The following PDE1C variants were observed in gnomAD, a reference collection of about 807,000 sequenced individuals.
PDE1C encodes dual specificity calcium/calmodulin-dependent 3',5'-cyclic nucleotide phosphodiesterase 1C.
Under a neutral mutation model 93.1 loss-of-function variants are expected in PDE1C, and 62 were observed. The ratio of observed to expected loss-of-function variants is 0.67; its 90% CI spans 0.54 to 0.82. PDE1C has a LOEUF of 0.82. PDE1C is among the 40% of genes least tolerant of loss of function. The pLI is 0.00. For synonymous variants in PDE1C, 325 were observed against 310.1 expected, an observed-to-expected ratio of 1.05 and a Z score of -0.50; for missense variants, 742 against 884.6, an observed-to-expected ratio of 0.84 and a Z score of 2.04.
At chr7:31,868,005 T>G (rs1795505008) in intron 6 of PDE1C, among the ~76,000 whole-genome samples, 1 of 152,176 alleles carries the variant, frequency 6.6e-6, no homozygotes, top group Admixed American at 6.5e-5. Context: ...AAGCCAAAGT[T>G]CTCTACTCAA....
intron 2 of PDE1C, among the ~76,000 whole-genome samples, chr7:32,207,370 A>AAC (rs1554287077): frequency 0.052 from 7,892 of 151,602 alleles, 735 homozygotes; most frequent in African/African-American, 0.18. Context: ...AAAAAAAAAA[A>AAC]AACTTATCAT....
At chr7:31,688,987 G>A in the PDE1C span, among the ~76,000 whole-genome samples, 1 of 152,208 alleles carries the variant, frequency 6.6e-6, no homozygotes, top group African/African-American at 2.4e-5. Flanking sequence ...TGAATTTTTT[G>A]TGGTTTGTCT....
At chr7:31,931,447 GACAA>G (rs1447935628) in intron 2 of PDE1C, among the ~76,000 whole-genome samples, 2 of 152,120 alleles carry the variant, frequency 1.3e-5, no homozygotes, top group African/African-American at 4.8e-5. Flanking sequence ...ACCAATAGCA[GACAA>G]ACAGAGAGCC....
chr7:31,885,897 T>C (rs535604294), intron 2 of PDE1C, among the ~76,000 whole-genome samples: 1 of 152,218 alleles, frequency 6.6e-6, no homozygotes, highest in Non-Finnish European at 1.5e-5. Context: ...TAGACCCTAC[T>C]AGAATTTCAT....
intron 5 of PDE1C, among the ~76,000 whole-genome samples, chr7:31,875,060 T>TAGAC (rs1442429047): frequency 1.3e-5 from 2 of 152,218 alleles, no homozygotes; most frequent in African/African-American, 4.8e-5. Flanking sequence ...GCGCAGGCTA[T>TAGAC]AGACAGCAAG....
intron 2 of PDE1C, among the ~76,000 whole-genome samples, chr7:32,170,473 ATAT>A (rs1013714691): frequency 1.3e-4 from 20 of 152,156 alleles, no homozygotes; most frequent in African/African-American, 4.8e-4. Context: ...CGTGAGATAA[ATAT>A]TAAAGGTGGG....
chr7:32,175,113 A>G (rs1269499502), intron 2 of PDE1C, among the ~76,000 whole-genome samples: 2 of 152,190 alleles, frequency 1.3e-5, no homozygotes, highest in South Asian at 2.1e-4. Flanking sequence ...ATGAGTTTAA[A>G]AGAAAACTGT....
chr7:32,361,412 T>A (rs1784133994), intron 1 of PDE1C, among the ~76,000 whole-genome samples: 1 of 152,206 alleles, frequency 6.6e-6, no homozygotes, highest in Non-Finnish European at 1.5e-5. Context: ...TCTGGTTGGG[T>A]AGCTGTTTTT....
At chr7:32,269,087 C>A (rs1356991921) in intron 1 of PDE1C, among the ~76,000 whole-genome samples, 2 of 152,172 alleles carry the variant, frequency 1.3e-5, no homozygotes, top group Non-Finnish European at 2.9e-5. Flanking sequence ...GCACAGAGGC[C>A]TTCTTAAAGA....
the PDE1C span, among the ~76,000 whole-genome samples, chr7:31,625,544 T>G: frequency 2.6e-5 from 4 of 152,162 alleles, no homozygotes; most frequent in Admixed American, 2.0e-4. Flanking sequence ...ACACCACATA[T>G]TCTCACTCAT....
chr7:31,775,426 CA>C (rs1795760308), intron 17 of PDE1C, among the ~76,000 whole-genome samples: 1 of 152,072 alleles, frequency 6.6e-6, no homozygotes. Context: ...CAAAGAGGAC[CA>C]AAATTCTATT....
intron 1 of PDE1C, among the ~76,000 whole-genome samples, chr7:32,244,816 C>T (rs1281057933): frequency 2.0e-5 from 3 of 152,170 alleles, no homozygotes; most frequent in Non-Finnish European, 4.4e-5. Context: ...CATCACTGCC[C>T]TACATGTTGT....
chr7:31,770,928 T>G (rs1328704632), intron 17 of PDE1C, among the ~76,000 whole-genome samples: 1 of 152,258 alleles, frequency 6.6e-6, no homozygotes, highest in Non-Finnish European at 1.5e-5. Context: ...GTGTTCTACC[T>G]TGAACTTATA....
chr7:31,666,970 G>A, the PDE1C span, among the ~76,000 whole-genome samples: 1 of 152,208 alleles, frequency 6.6e-6, no homozygotes, highest in African/African-American at 2.4e-5. Context: ...TAGGGTTGCA[G>A]TAGGTGCCAT....
At chr7:31,840,949 G>C (rs983134532) in intron 9 of PDE1C, among the ~76,000 whole-genome samples, 2 of 151,922 alleles carry the variant, frequency 1.3e-5, no homozygotes, top group African/African-American at 4.8e-5. Flanking sequence ...CTGGAATTTT[G>C]ATTGGAATTG....
intron 2 of PDE1C, among the ~76,000 whole-genome samples, chr7:31,983,015 A>C (rs1473575526): frequency 6.6e-6 from 1 of 152,208 alleles, no homozygotes; most frequent in Non-Finnish European, 1.5e-5. Context: ...TGCAACTGGT[A>C]CAGACTTAAA....
chr7:31,723,789 C>A, the PDE1C span, among the ~76,000 whole-genome samples: 1 of 152,262 alleles, frequency 6.6e-6, no homozygotes, highest in Admixed American at 6.5e-5. Context: ...AATTAAGACA[C>A]TTTTCTTTAG....
At chr7:32,220,048 C>T (rs1222941392) in intron 1 of PDE1C, among the ~76,000 whole-genome samples, 2 of 152,126 alleles carry the variant, frequency 1.3e-5, no homozygotes, top group Admixed American at 6.5e-5. Context: ...TGTCTTTTGC[C>T]TTCCACCATG....
At chr7:31,948,540 G>A (rs77085026) in intron 2 of PDE1C, among the ~76,000 whole-genome samples, 9,235 of 152,234 alleles carry the variant, frequency 0.061, 473 homozygotes, top group African/African-American at 0.14. Flanking sequence ...CGAATCAGTA[G>A]AGTACCAAGA....
Sources: gnomAD v4.1 joint callset for allele counts (sites outside exome capture counted in the v4.1 genomes callset) on GRCh38, gnomAD v4.1.1 for gene constraint, MANE v1.5 for transcripts, NCBI Gene and HGNC (gene_info 2026-07-23, HGNC 2026-07-21) for gene names.